WDR72: variants seen among roughly 807,000 people sequenced by gnomAD.
WDR72 encodes the protein WD repeat-containing protein 72.
A neutral mutation model predicts 124.2 loss-of-function variants in WDR72; 120 were observed. That is an observed-to-expected ratio of 0.97 (90% CI 0.83 to 1.12). The LOEUF (loss-of-function observed/expected upper bound fraction) is 1.12, where lower values mean the gene tolerates loss of function less well. WDR72 is among the 50% of genes most tolerant of loss of function. WDR72 has a pLI of 0.00. For missense variants in WDR72, 1,387 were observed against 1,278.8 expected (o/e 1.08, Z -1.29); for synonymous variants, 452 against 441.7 (o/e 1.02, Z -0.29).
intron 18 of WDR72, among the ~76,000 whole-genome samples, chr15:53,525,001 T>A (rs1248776844): frequency 2.6e-5 from 4 of 152,078 alleles, no homozygotes; most frequent in Non-Finnish European, 5.9e-5. Flanking sequence ...AATTTCCTTG[T>A]TAGGCCAACT....
chr15:53,673,266 G>A (rs1355925999), intron 13 of WDR72, among the ~76,000 whole-genome samples: 3 of 151,740 alleles, frequency 2.0e-5, no homozygotes, highest in Non-Finnish European at 2.9e-5. Flanking sequence ...AAATTAACTC[G>A]GTCCACTAAG....
Position 53,564,630 on chromosome 15 carries a change from G to A in WDR72, c.3148+32449C>T, listed in dbSNP as rs181841523. Reference sequence around the variant, plus strand: ...TGTCTAAATTTTCTGTATGGCCTTCGATAAACCATTTGGCTGCTCTAACCA... The same window carrying A: ...TGTCTAAATTTTCTGTATGGCCTTCAATAAACCATTTGGCTGCTCTAACCA... On this transcript the variant is annotated intron_variant, in intron 18 of 19. Coordinates refer to ENST00000360509, the MANE Select transcript of WDR72 (RefSeq NM_182758.4). Among the ~76,000 whole-genome samples the A allele has an allele frequency of 9.4e-4, 143 of 151,934 alleles. 1 individual carries two copies. Among genetic ancestry groups the A allele is most frequent in the African/African-American group, 3.2e-3 (133 of 41,530 alleles).
chr15:53,517,465 T>C lies in WDR72; in HGVS notation c.*234A>G. 2.0e-6 allele frequency: 1 copy of C among 502,664 alleles called. No homozygotes were observed. The highest frequency in any genetic ancestry group is 2.3e-5 in the South Asian group (1 of 43,666). 31.1% of individuals were successfully genotyped at this position (502,664 alleles called of 1,614,324 possible). A position where few individuals can be genotyped will look rare whatever the true frequency, so the allele number is the denominator to read the frequency against. Reference sequence around the variant, plus strand: ...TAAGAAACAGGAATAGAGAATGATCTAGGCAATATTTTTCTAAAATTAGAT... The same window carrying C: ...TAAGAAACAGGAATAGAGAATGATCCAGGCAATATTTTTCTAAAATTAGAT... On this transcript the variant is annotated 3_prime_UTR_variant, in exon 20 of 20. Transcript: ENST00000360509.
intron 14 of WDR72, among the ~76,000 whole-genome samples, chr15:53,619,107 G>C (rs1244627640): frequency 6.6e-6 from 1 of 151,798 alleles, no homozygotes; most frequent in East Asian, 1.9e-4. Context: ...CATTTTTATA[G>C]ACAGCTATTT....
At chr15:53,625,102 T>A (rs1364434270) in intron 14 of WDR72, among the ~76,000 whole-genome samples, 3 of 152,268 alleles carry the variant, frequency 2.0e-5, no homozygotes, top group Non-Finnish European at 2.9e-5. Context: ...TTTAGGATGA[T>A]AAAATATATC....
intron 18 of WDR72, among the ~76,000 whole-genome samples, chr15:53,530,269 G>C (rs1892377366): frequency 6.6e-6 from 1 of 151,216 alleles, no homozygotes; most frequent in South Asian, 2.1e-4. Context: ...GAAGTTAATT[G>C]GTCATATCAG....
At chr15:53,729,707 C>T (rs1375351512) in intron 2 of WDR72, among the ~76,000 whole-genome samples, 10 of 152,078 alleles carry the variant, frequency 6.6e-5, no homozygotes, top group Admixed American at 6.6e-4. Context: ...CCTGTGCATT[C>T]TTTAGAACTC....
intron 13 of WDR72, among the ~76,000 whole-genome samples, chr15:53,684,867 A>AAC (rs2016554247): frequency 2.6e-4 from 39 of 152,194 alleles, no homozygotes; most frequent in Admixed American, 2.6e-3. Flanking sequence ...GAGATCTGAG[A>AAC]AGGGCCAGAC....
intron 1 of WDR72, among the ~76,000 whole-genome samples, chr15:53,733,424 A>G (rs2018261954): frequency 6.6e-6 from 1 of 152,152 alleles, no homozygotes; most frequent in Non-Finnish European, 1.5e-5. Flanking sequence ...GGAATGGTCT[A>G]TTCACTTCAC....
At chr15:53,662,684 A>G (rs960044614) in intron 14 of WDR72, among the ~76,000 whole-genome samples, 12 of 152,144 alleles carry the variant, frequency 7.9e-5, no homozygotes, top group African/African-American at 2.9e-4. Flanking sequence ...GAAGCATTTT[A>G]CTGTATTAGT....
intron 14 of WDR72, among the ~76,000 whole-genome samples, chr15:53,657,043 T>G (rs981164277): frequency 9.2e-5 from 14 of 151,948 alleles, no homozygotes; most frequent in African/African-American, 3.1e-4. Flanking sequence ...GGCGGGCAGA[T>G]CACAAGGTCA....
chr15:53,672,312 T>TAAAA (rs5812704), intron 13 of WDR72, among the ~76,000 whole-genome samples: 3,998 of 136,402 alleles, frequency 0.029, 122 homozygotes, highest in African/African-American at 0.046. Context: ...AAATGCCGAT[T>TAAAA]AAAAAAAAAA....
At chr15:53,647,216 C>A (rs1039997679) in intron 14 of WDR72, among the ~76,000 whole-genome samples, 1 of 151,986 alleles carries the variant, frequency 6.6e-6, no homozygotes, top group Non-Finnish European at 1.5e-5. Flanking sequence ...ACTCAGACAC[C>A]AAATTCTGAA....
Position 53,516,743 on chromosome 15 carries a change from C to T in WDR72, c.*956G>A, listed in dbSNP as rs1469621117. ...CTATGGATTAGGCAATATTTATATACATAAGATATGTAGATTAATAATTTT... is the reference window on the plus strand; with the variant it reads ...CTATGGATTAGGCAATATTTATATATATAAGATATGTAGATTAATAATTTT... On this transcript the variant is annotated 3_prime_UTR_variant, in exon 20 of 20. Coordinates refer to ENST00000360509, the MANE Select transcript of WDR72 (RefSeq NM_182758.4). The T allele has an allele frequency of 6.6e-5, 10 of 152,024 alleles. No individual in the cohort carries two copies. The highest frequency in any genetic ancestry group is 2.2e-4 in the African/African-American group (9 of 41,504). The allele number at this position is 152,024 out of a possible 1,614,324, so 9.4% of individuals were successfully genotyped here.
chr15:53,531,657 T>C (rs545528610), intron 18 of WDR72, among the ~76,000 whole-genome samples: 34 of 152,200 alleles, frequency 2.2e-4, no homozygotes, highest in African/African-American at 6.5e-4. Flanking sequence ...AGCCAAGTTT[T>C]AAAGAGCAAA....
intron 13 of WDR72, among the ~76,000 whole-genome samples, chr15:53,681,306 G>A (rs2016376251): frequency 6.6e-6 from 1 of 152,092 alleles, no homozygotes; most frequent in African/African-American, 2.4e-5. Context: ...GGCTCCTTTG[G>A]GTTTATTTCC....
At chr15:53,718,515 A>T (rs1309423821) in intron 3 of WDR72, among the ~76,000 whole-genome samples, 1 of 152,116 alleles carries the variant, frequency 6.6e-6, no homozygotes, top group Admixed American at 6.6e-5. Flanking sequence ...TATATCACAA[A>T]GCAAAAATTT....
intron 4 of WDR72, 45 bp from the exon 5 acceptor site, chr15:53,715,412 T>A: frequency 5.6e-6 from 9 of 1,609,384 alleles, no homozygotes; most frequent in Non-Finnish European, 7.7e-6. Context: ...ATCACTAAAA[T>A]TAACATAATT....
At chr15:53,731,423 T>C (rs1283291828) in intron 2 of WDR72, among the ~76,000 whole-genome samples, 1 of 151,992 alleles carries the variant, frequency 6.6e-6, no homozygotes, top group East Asian at 1.9e-4. Flanking sequence ...CTCTGGGCAT[T>C]TGGAATGGAA....
Sources: allele counts gnomAD v4.1 joint callset (sites outside exome capture counted in the v4.1 genomes callset), GRCh38; gene constraint gnomAD v4.1.1; transcripts MANE v1.5; gene names NCBI Gene and HGNC (gene_info 2026-07-23, HGNC 2026-07-21).